The following ZBTB20 variants were observed in gnomAD, a reference collection of about 807,000 sequenced individuals.
The protein encoded by ZBTB20 is zinc finger and BTB domain-containing protein 20.
In ZBTB20, 9 loss-of-function variants were observed where a neutral mutation model predicts 56.9. The ratio of observed to expected loss-of-function variants is 0.16; its 90% CI spans 0.10 to 0.28. The LOEUF (loss-of-function observed/expected upper bound fraction) is 0.28. ZBTB20 is among the 10% of genes least tolerant of loss of function. The pLI, the probability that ZBTB20 is intolerant of heterozygous loss-of-function variation, is 1.00. For missense variants in ZBTB20, 655 were observed against 1,003.0 expected (o/e 0.65, Z 4.69); for synonymous variants, 417 against 420.7 (o/e 0.99, Z 0.11).
intron 5 of ZBTB20, among the ~76,000 whole-genome samples, chr3:114,753,946 G>A (rs933677843): frequency 6.6e-6 from 1 of 152,140 alleles, no homozygotes; most frequent in African/African-American, 2.4e-5. Flanking sequence ...AAACAAAGGG[G>A]AAAGGTGTTC....
chr3:115,083,610 C>T (rs539665723), intron 1 of ZBTB20, among the ~76,000 whole-genome samples: 1 of 152,064 alleles, frequency 6.6e-6, no homozygotes, highest in East Asian at 1.9e-4. Context: ...ATATATTCAG[C>T]CATTCAGCAC....
At chr3:114,915,912 T>A (rs1023983620) in intron 3 of ZBTB20, among the ~76,000 whole-genome samples, 5 of 152,090 alleles carry the variant, frequency 3.3e-5, no homozygotes, top group African/African-American at 1.2e-4. Context: ...TCCATGGTGA[T>A]CAGAGAAGAT....
chr3:115,133,864 T>C (rs1165353401), intron 1 of ZBTB20, among the ~76,000 whole-genome samples: 1 of 152,234 alleles, frequency 6.6e-6, no homozygotes, highest in Non-Finnish European at 1.5e-5. Flanking sequence ...TATGTGAACA[T>C]ATGCTATCAC....
chr3:114,991,667 TTC>T lies in ZBTB20; in HGVS notation c.-506-17253_-506-17252del, dbSNP rs369593223. On this transcript the variant is annotated intron_variant, in intron 2 of 11. Transcript: ENST00000675478. ...CAAATCCTGGATATCCTTTTTAACT[TTC>T]TGTCTCGTTGATCTGTCTAATGTTA... Among the ~76,000 whole-genome samples, 64 of 152,262 alleles carry T rather than the reference TTC, an allele frequency of 4.2e-4. 1 individual carries two copies. The East Asian group carries it at 7.5e-3, about 18-fold the overall frequency.
intron 11 of ZBTB20, among the ~76,000 whole-genome samples, chr3:114,345,261 C>A (rs148311643): frequency 7.9e-5 from 12 of 151,954 alleles, no homozygotes; most frequent in African/African-American, 2.9e-4. Flanking sequence ...TGTATATATA[C>A]GTGTGTGAAA....
chr3:115,007,781 C>G (rs149190141), intron 2 of ZBTB20, among the ~76,000 whole-genome samples: 2,065 of 151,876 alleles, frequency 0.014, 35 homozygotes, highest in South Asian at 0.075. Flanking sequence ...TTTAATTATT[C>G]CCACCAAGAT....
chr3:114,708,394 T>C (rs973348439), intron 5 of ZBTB20, among the ~76,000 whole-genome samples: 5 of 151,480 alleles, frequency 3.3e-5, no homozygotes, highest in Non-Finnish European at 7.4e-5. Context: ...ATCTTAGCAA[T>C]ATGCATCAAA....
At chr3:114,596,259 T>C (rs1026419274) in intron 6 of ZBTB20, among the ~76,000 whole-genome samples, 2 of 152,134 alleles carry the variant, frequency 1.3e-5, no homozygotes. Flanking sequence ...AAACGAAAAC[T>C]ACCTAGAATA....
intron 6 of ZBTB20, among the ~76,000 whole-genome samples, chr3:114,529,634 T>G (rs987609505): frequency 1.1e-4 from 17 of 152,214 alleles, no homozygotes; most frequent in Admixed American, 4.6e-4. Flanking sequence ...AGTACAGAAG[T>G]TACAGAAGGT....
At chr3:114,639,089 T>G (rs2059424626) in intron 6 of ZBTB20, among the ~76,000 whole-genome samples, 1 of 152,088 alleles carries the variant, frequency 6.6e-6, no homozygotes, top group South Asian at 2.1e-4. Flanking sequence ...ACCTGAGGTT[T>G]GAACCCATGA....
chr3:114,452,473 C>T (rs1398835589), intron 7 of ZBTB20, among the ~76,000 whole-genome samples: 1 of 152,116 alleles, frequency 6.6e-6, no homozygotes, highest in Non-Finnish European at 1.5e-5. Context: ...CCACCTAGTA[C>T]TTGTTTTTTA....
Position 114,316,066 on chromosome 3 carries a change from T to C in ZBTB20, c.*22939A>G. On this transcript the variant is annotated 3_prime_UTR_variant, in exon 12 of 12. Coordinates refer to ENST00000675478, the MANE Select transcript of ZBTB20 (RefSeq NM_001348800.3). ...AAGGTTTTGAGGTTTCTGACATCTT[T>C]CACTGAAAAGGGCTTTCACTGTAGT... 5.0e-6 allele frequency: 1 copy of C among 198,274 alleles called. No individual in the cohort carries two copies. The highest frequency in any genetic ancestry group is 2.4e-5 in the African/African-American group (1 of 41,804). The allele number at this position is 198,274 out of a possible 1,614,324, so 12.3% of individuals were successfully genotyped here.
chr3:114,639,419 T>C (rs555977011), intron 6 of ZBTB20, among the ~76,000 whole-genome samples: 1 of 151,708 alleles, frequency 6.6e-6, no homozygotes, highest in African/African-American at 2.4e-5. Flanking sequence ...CTGCATTATG[T>C]AAGGAATCTT....
At chr3:114,395,394 G>A (rs1029119380) in intron 7 of ZBTB20, among the ~76,000 whole-genome samples, 22 of 152,118 alleles carry the variant, frequency 1.4e-4, no homozygotes, top group Non-Finnish European at 2.8e-4. Flanking sequence ...TTTTCTATCT[G>A]CAAAAAGAGG....
At chr3:114,980,121 C>T (rs1377404186) in intron 2 of ZBTB20, among the ~76,000 whole-genome samples, 2 of 151,934 alleles carry the variant, frequency 1.3e-5, no homozygotes, top group African/African-American at 4.8e-5. Context: ...CTTTACTTGT[C>T]TGTTTAAAAG....
At chr3:114,748,279 C>CTTTCTTTCTTTCTTTCT (rs1553807144) in intron 5 of ZBTB20, among the ~76,000 whole-genome samples, 1 of 104,422 alleles carries the variant, frequency 9.6e-6, no homozygotes, top group African/African-American at 3.5e-5. Context: ...TTTGTTGTAG[C>CTTTCTTTCTTTCTTTCT]TTCTTTCTTT....
At chr3:114,710,819 TA>T (rs2064025543) in intron 5 of ZBTB20, among the ~76,000 whole-genome samples, 1 of 152,148 alleles carries the variant, frequency 6.6e-6, no homozygotes, top group Non-Finnish European at 1.5e-5. Flanking sequence ...CATACATGCT[TA>T]AAAAAATCCT....
intron 5 of ZBTB20, among the ~76,000 whole-genome samples, chr3:114,701,008 TG>T (rs1260770433): frequency 6.6e-6 from 1 of 152,220 alleles, no homozygotes; most frequent in Non-Finnish European, 1.5e-5. Flanking sequence ...AGTTGTATTC[TG>T]ACCCTTCCCC....
In ZBTB20 at chr3:114,666,245, A is replaced by C. The variant is rs976867295; in HGVS notation, c.-295+27283T>G. 4.6e-5 allele frequency among the ~76,000 whole-genome samples: 7 copies of C among 152,044 alleles called. No homozygotes were observed. In the East Asian group the frequency reaches 1.2e-3, roughly 25 times the overall value. On this transcript the variant is annotated intron_variant, in intron 6 of 11. Transcript: ENST00000675478. ...CTATCTAGAGTTGGCATCCAACAGC[A>C]CCAGTGTTATAATACACTTTCTACA...
Sources: gnomAD v4.1 joint callset for allele counts (sites outside exome capture counted in the v4.1 genomes callset) on GRCh38, gnomAD v4.1.1 for gene constraint, MANE v1.5 for transcripts, NCBI Gene and HGNC (gene_info 2026-07-23, HGNC 2026-07-21) for gene names.